The following DENND2C variants were observed in gnomAD, a reference collection of about 807,000 sequenced individuals.
The protein encoded by DENND2C is DENN domain containing 2C.
In DENND2C, 72 loss-of-function variants were observed where a neutral mutation model predicts 112.4. The observed-to-expected ratio is 0.64, with a 90% CI of 0.53 to 0.78. The LOEUF (loss-of-function observed/expected upper bound fraction) is 0.78. DENND2C is among the 30% of genes least tolerant of loss of function. The pLI is 0.00. For missense variants in DENND2C, 992 were observed against 1,113.8 expected, an observed-to-expected ratio of 0.89 and a Z score of 1.56; for synonymous variants, 329 against 381.6, an observed-to-expected ratio of 0.86 and a Z score of 1.61.
chr1:114,644,972 C>A (rs906378594), intron 3 of DENND2C, among the ~76,000 whole-genome samples: 1 of 151,976 alleles, frequency 6.6e-6, no homozygotes, highest in Non-Finnish European at 1.5e-5. Flanking sequence ...AATTTAAAGG[C>A]ATGAGATTTA....
In DENND2C at chr1:114,640,542, A is replaced by G. The variant is rs1348374095; in HGVS notation, c.-205+4906T>C. Among the ~76,000 whole-genome samples the G allele has an allele frequency of 3.6e-4, 55 of 152,186 alleles. 1 individual carries two copies. The highest frequency in any genetic ancestry group is 3.6e-3 in the Admixed American group (55 of 15,260). ...AAATGTTTGTTTCAGAGGTGTGTGCATGTGTGTGTGACCATGGTGGGGTAT... is the reference window on the plus strand; with the variant it reads ...AAATGTTTGTTTCAGAGGTGTGTGCGTGTGTGTGTGACCATGGTGGGGTAT... On this transcript the variant is annotated intron_variant, in intron 3 of 20. Transcript: ENST00000393274.
chr1:114,636,895 C>A (rs1656672665), intron 3 of DENND2C, among the ~76,000 whole-genome samples: 1 of 151,612 alleles, frequency 6.6e-6, no homozygotes, highest in Non-Finnish European at 1.5e-5. Context: ...CCTCTATATA[C>A]TAAGAATAAA....
chr1:114,613,516 C>A (rs1655878208), intron 8 of DENND2C, among the ~76,000 whole-genome samples: 1 of 151,986 alleles, frequency 6.6e-6, no homozygotes, highest in East Asian at 1.9e-4. Context: ...AAATTAACCA[C>A]CATGACAAAA....
At chr1:114,644,326 T>C (rs1275992701) in intron 3 of DENND2C, among the ~76,000 whole-genome samples, 1 of 152,180 alleles carries the variant, frequency 6.6e-6, no homozygotes, top group Admixed American at 6.5e-5. Context: ...TTTGTTTACT[T>C]CTCTCCCTCA....
chr1:114,586,185 T>C (rs540815352), intron 20 of DENND2C, among the ~76,000 whole-genome samples: 5 of 152,228 alleles, frequency 3.3e-5, no homozygotes, highest in Non-Finnish European at 7.3e-5. Context: ...ACTAATTAAC[T>C]ATTACTGAAA....
chr1:114,668,783 C>T (rs887567370), intron 1 of DENND2C, among the ~76,000 whole-genome samples: 1 of 152,060 alleles, frequency 6.6e-6, no homozygotes, highest in African/African-American at 2.4e-5. Flanking sequence ...TATATATTAA[C>T]AATATTTTGG....
intron 7 of DENND2C, among the ~76,000 whole-genome samples, chr1:114,620,862 A>G (rs1029374981): frequency 3.9e-5 from 6 of 152,220 alleles, no homozygotes; most frequent in Middle Eastern, 3.2e-3. Context: ...CCAAGGAACA[A>G]ATCAACAGTT....
intron 1 of DENND2C, among the ~76,000 whole-genome samples, chr1:114,661,769 GT>G (rs1415043526): frequency 3.3e-5 from 5 of 151,778 alleles, no homozygotes; most frequent in East Asian, 3.9e-4. Context: ...TTTTTACTTC[GT>G]TTTTTTCTTC....
At chr1:114,608,280 G>GAA (rs1655714871) in intron 10 of DENND2C, among the ~76,000 whole-genome samples, 1 of 150,888 alleles carries the variant, frequency 6.6e-6, no homozygotes, top group Non-Finnish European at 1.5e-5. Flanking sequence ...AAAAAAAAAA[G>GAA]AAAGAAAAAG....
At chr1:114,655,885 T>TATATATATATATATATAC (rs1253298122) in intron 1 of DENND2C, among the ~76,000 whole-genome samples, 6 of 140,414 alleles carry the variant, frequency 4.3e-5, no homozygotes, top group African/African-American at 1.3e-4. Context: ...TATGTATAAA[T>TATATATATATATATATAC]ATATATATAT....
At chr1:114,649,250 C>T (rs1657090872) in intron 2 of DENND2C, among the ~76,000 whole-genome samples, 1 of 151,970 alleles carries the variant, frequency 6.6e-6, no homozygotes, top group Admixed American at 6.6e-5. Flanking sequence ...CCATTGCACC[C>T]GGCACTTTTC....
At chr1:114,664,993 C>T (rs934308216) in intron 1 of DENND2C, among the ~76,000 whole-genome samples, 3 of 151,778 alleles carry the variant, frequency 2.0e-5, no homozygotes, top group Non-Finnish European at 4.4e-5. Context: ...ACTTGGGAGG[C>T]TGAGACAGGA....
At chr1:114,669,827 G>A (rs1657745644) in intron 1 of DENND2C, among the ~76,000 whole-genome samples, 156 bp downstream of exon 1, 1 of 152,076 alleles carries the variant, frequency 6.6e-6, no homozygotes, top group Non-Finnish European at 1.5e-5. Context: ...GCGGGGCGCG[G>A]AGACACCACC....
intron 3 of DENND2C, among the ~76,000 whole-genome samples, chr1:114,639,260 C>T (rs941946235): frequency 6.6e-6 from 1 of 152,108 alleles, no homozygotes; most frequent in African/African-American, 2.4e-5. Context: ...CAGTTTCTTA[C>T]AAAATTTAAC....
In DENND2C at chr1:114,600,949, T is replaced by A. The variant is rs1286775692; in HGVS notation, c.1827A>T (p.Glu609Asp). ...CFNLFSKILDEVEKRREMSPA... is the reference protein window; with the variant it reads ...CFNLFSKILDDVEKRREMSPA... ...GAGACATTTCTCTTCTCTTCTCTACTTCATCCAGAATCTATATACGCAAAG... is the reference window on the plus strand; with the variant it reads ...GAGACATTTCTCTTCTCTTCTCTACATCATCCAGAATCTATATACGCAAAG... The change falls in exon 14 of 21, where the codon GAA (glutamate) becomes GAT (aspartate). Residue 609 changes from glutamate to aspartate, a missense_variant. Physicochemically the swap from Glu to Asp is conservative, Grantham distance 45 (BLOSUM62 2). This residue lies in a region of DENND2C where 516 missense variants were observed against 623.6 expected (regional missense o/e 0.83). Transcript: ENST00000393274. The A allele has an allele frequency of 4.3e-6, 7 of 1,613,012 alleles. No individual in the cohort carries two copies.
chr1:114,653,116 CT>C (rs368434521), intron 2 of DENND2C, among the ~76,000 whole-genome samples: 5 of 148,726 alleles, frequency 3.4e-5, no homozygotes, highest in African/African-American at 4.9e-5. Flanking sequence ...CACATTGGTA[CT>C]TTTTTTTTTG....
At chr1:114,663,947 T>G (rs1480824560) in intron 1 of DENND2C, among the ~76,000 whole-genome samples, 1 of 150,952 alleles carries the variant, frequency 6.6e-6, no homozygotes, top group Non-Finnish European at 1.5e-5. Flanking sequence ...ACCATACTGC[T>G]ATTCTTTTTT....
intron 2 of DENND2C, among the ~76,000 whole-genome samples, 178 bp downstream of exon 2, chr1:114,654,327 G>C (rs772608054): frequency 2.6e-5 from 4 of 152,126 alleles, no homozygotes; most frequent in Admixed American, 6.5e-5. Flanking sequence ...AGCTACTCAG[G>C]AGGCTGAGGC....
At chr1:114,650,946 A>C (rs927592849) in intron 2 of DENND2C, among the ~76,000 whole-genome samples, 2 of 151,946 alleles carry the variant, frequency 1.3e-5, no homozygotes, top group African/African-American at 4.8e-5. Flanking sequence ...GCCATTTAAA[A>C]CACAGTAAGG....
Sources: allele counts gnomAD v4.1 joint callset (sites outside exome capture counted in the v4.1 genomes callset), GRCh38; gene constraint gnomAD v4.1.1; regional missense constraint gnomAD v4.1.1; transcripts MANE v1.5; gene names NCBI Gene and HGNC (gene_info 2026-07-23, HGNC 2026-07-21).